Variants in RUNDC3B observed in about 807,000 individuals in gnomAD.
RUNDC3B encodes the protein RUN domain containing 3B.
Under a neutral mutation model 58.4 loss-of-function variants are expected in RUNDC3B, and 33 were observed. The ratio of observed to expected loss-of-function variants is 0.56; its 90% CI spans 0.43 to 0.75. The LOEUF is 0.75. RUNDC3B is among the 30% of genes least tolerant of loss of function. The pLI is 0.00. For missense variants in RUNDC3B, 501 were observed against 535.7 expected (o/e 0.94, Z 0.64); for synonymous variants, 193 against 195.2 (o/e 0.99, Z 0.10).
intron 10 of RUNDC3B, among the ~76,000 whole-genome samples, chr7:87,824,400 C>A (rs1006271342): frequency 2.0e-5 from 3 of 152,124 alleles, no homozygotes; most frequent in African/African-American, 4.8e-5. Context: ...GTGAGATGTG[C>A]CTTTCACCTT....
intron 10 of RUNDC3B, among the ~76,000 whole-genome samples, chr7:87,826,336 A>C (rs1837805830): frequency 6.6e-6 from 1 of 151,944 alleles, no homozygotes; most frequent in Admixed American, 6.6e-5. Context: ...GTCTGCTGCC[A>C]TGTGAGATGT....
At position 87,830,279 on chromosome 7, in the gene RUNDC3B, AC is replaced by A. The variant is rs1838061624; in HGVS notation, c.*250del. The A allele has an allele frequency of 3.8e-6, 1 of 264,024 alleles. No homozygotes were observed. The highest frequency in any genetic ancestry group is 6.7e-5 in the East Asian group (1 of 14,874). The allele number at this position is 264,024 out of a possible 1,614,324, so 16.4% of individuals were successfully genotyped here. On this transcript the variant is annotated 3_prime_UTR_variant, in exon 11 of 11. Coordinates refer to ENST00000394654, the MANE Select transcript of RUNDC3B (RefSeq NM_001134405.2). ...TGGAATAGGCTTTAAAAAAAAAAAA[AC>A]TTTCAAAGATCCGCCAAATCATTCA...
At chr7:87,667,416 T>C (rs1825370748) in intron 2 of RUNDC3B, among the ~76,000 whole-genome samples, 1 of 151,946 alleles carries the variant, frequency 6.6e-6, no homozygotes, top group African/African-American at 2.4e-5. Flanking sequence ...TTTCTAGATA[T>C]AGAATCATGT....
chr7:87,751,725 T>A (rs199776503), intron 6 of RUNDC3B, among the ~76,000 whole-genome samples: 7,345 of 152,202 alleles, frequency 0.048, 260 homozygotes, highest in East Asian at 0.091. Context: ...GTACATTGAT[T>A]TTGTATCCTG....
At chr7:87,786,868 T>C (rs935618555) in intron 8 of RUNDC3B, among the ~76,000 whole-genome samples, 2 of 152,158 alleles carry the variant, frequency 1.3e-5, no homozygotes, top group African/African-American at 4.8e-5. Flanking sequence ...ATTGATCCTC[T>C]TGATTTTTGC....
rs562385117 is a variant in RUNDC3B, at chr7:87,787,283, C to T, written c.956+9328C>T. Among the ~76,000 whole-genome samples, 8 of 152,164 alleles carry T rather than the reference C, an allele frequency of 5.3e-5. No homozygotes were observed. In the East Asian group the frequency reaches 1.3e-3, roughly 26 times the overall value. ...TTTAAAAAATCAACTGTCAAGAAGG[C>T]CTATAATCAAAGTTGGGCATTGAAA... On this transcript the variant is annotated intron_variant, in intron 8 of 10. Coordinates refer to ENST00000394654, the MANE Select transcript of RUNDC3B (RefSeq NM_001134405.2).
At chr7:87,763,246 C>T (rs529191134) in intron 6 of RUNDC3B, among the ~76,000 whole-genome samples, 23 of 151,558 alleles carry the variant, frequency 1.5e-4, no homozygotes, top group Non-Finnish European at 2.7e-4. Context: ...TTTGATGTCC[C>T]GAATTTTACA....
intron 3 of RUNDC3B, among the ~76,000 whole-genome samples, chr7:87,701,281 G>A (rs1045774417): frequency 1.3e-5 from 2 of 152,182 alleles, no homozygotes; most frequent in African/African-American, 4.8e-5. Flanking sequence ...GAAGAAAGAA[G>A]TGAGCCTATT....
intron 2 of RUNDC3B, among the ~76,000 whole-genome samples, chr7:87,695,115 A>C (rs879164701): frequency 3.9e-5 from 6 of 152,144 alleles, no homozygotes; most frequent in Admixed American, 1.3e-4. Flanking sequence ...TCTAATGTAG[A>C]TTCTGACTTC....
At chr7:87,702,451 T>C in intron 3 of RUNDC3B, among the ~76,000 whole-genome samples, 1 of 151,944 alleles carries the variant, frequency 6.6e-6, no homozygotes, top group Non-Finnish European at 1.5e-5. Flanking sequence ...GCAAATGTTT[T>C]AAATTTTTTG....
chr7:87,828,051 A>C (rs1837925685), intron 10 of RUNDC3B, among the ~76,000 whole-genome samples: 1 of 152,224 alleles, frequency 6.6e-6, no homozygotes, highest in African/African-American at 2.4e-5. Context: ...ATCACAGTGC[A>C]AAAGAACCCT....
intron 1 of RUNDC3B, chr7:87,629,188 G>T: frequency 2.6e-6 from 1 of 382,630 alleles, no homozygotes; most frequent in Non-Finnish European, 4.6e-6. Context: ...AGCTTGGGGC[G>T]GGGCTGGAGG....
At position 87,680,759 on chromosome 7, in the gene RUNDC3B, C is replaced by G. The variant is rs776003781; in HGVS notation, c.239-19662C>G. 7.3e-5 allele frequency among the ~76,000 whole-genome samples: 11 copies of G among 149,722 alleles called. 2 individuals carry two copies. Among genetic ancestry groups the G allele is most frequent in the African/African-American group, 1.5e-4 (6 of 40,140 alleles). On this transcript the variant is annotated intron_variant, in intron 2 of 10. Transcript: ENST00000394654. Reference sequence around the variant, plus strand: ...GCAGTGAGCCAAGATCGCGCCATTGCACTCCAGCTTGGGCAAGGAGTGAAA... The same window carrying G: ...GCAGTGAGCCAAGATCGCGCCATTGGACTCCAGCTTGGGCAAGGAGTGAAA...
chr7:87,794,628 A>AC (rs1563214429), intron 8 of RUNDC3B, among the ~76,000 whole-genome samples: 2 of 150,814 alleles, frequency 1.3e-5, no homozygotes, highest in Non-Finnish European at 2.9e-5. Context: ...ATAGAAACAA[A>AC]AAAAAAAAAA....
rs1832465439 is a variant in RUNDC3B, at chr7:87,743,489, A to T, written c.629+1910A>T. Among the ~76,000 whole-genome samples the T allele has an allele frequency of 2.0e-5, 3 of 151,632 alleles. No individual in the cohort carries two copies. The South Asian group carries it at 6.3e-4, about 32-fold the overall frequency. ...CCACACCAACATCTACTGTTTTTTG[A>T]TTTTTTTTATTATGGCCATTCTTGC... On this transcript the variant is annotated intron_variant, in intron 6 of 10. Coordinates refer to ENST00000394654, the MANE Select transcript of RUNDC3B (RefSeq NM_001134405.2).
intron 4 of RUNDC3B, among the ~76,000 whole-genome samples, chr7:87,731,002 A>G (rs1262954338): frequency 2.0e-5 from 3 of 152,126 alleles, no homozygotes; most frequent in Non-Finnish European, 4.4e-5. Context: ...GAGCCACAGT[A>G]TTTTTGTGCA....
chr7:87,658,564 A>T lies in RUNDC3B; in HGVS notation c.238+7627A>T, dbSNP rs28746492. ...GCAAACCACAAATAGGAAAAATTCA[A>T]ATAAATTCATGCCAAAGGCACGATA... On this transcript the variant is annotated intron_variant, in intron 2 of 10. Transcript: ENST00000394654. Among the ~76,000 whole-genome samples the T allele has an allele frequency of 3.7e-4, 57 of 152,276 alleles. 1 individual carries two copies. The East Asian group carries it at 0.01, about 28-fold the overall frequency.
Position 87,666,569 on chromosome 7 carries a change from T to C in RUNDC3B, c.238+15632T>C, listed in dbSNP as rs548075580. ...TTTTCATGAAATCTCTGCCCATTCCTATGTCCAGGATGGTATTTCCTATGT... is the reference window on the plus strand; with the variant it reads ...TTTTCATGAAATCTCTGCCCATTCCCATGTCCAGGATGGTATTTCCTATGT... On this transcript the variant is annotated intron_variant, in intron 2 of 10. Coordinates refer to ENST00000394654, the MANE Select transcript of RUNDC3B (RefSeq NM_001134405.2). Among the ~76,000 whole-genome samples, 21 of 152,308 alleles carry C rather than the reference T, an allele frequency of 1.4e-4. No individual in the cohort carries two copies. The East Asian group carries it at 3.9e-3, about 28-fold the overall frequency.
intron 6 of RUNDC3B, among the ~76,000 whole-genome samples, chr7:87,764,344 A>C (rs1833860512): frequency 6.6e-6 from 1 of 151,916 alleles, no homozygotes; most frequent in Admixed American, 6.6e-5. Flanking sequence ...TAAAGTATCA[A>C]ATCAATAGCT....
Sources: gnomAD v4.1 joint callset for allele counts (sites outside exome capture counted in the v4.1 genomes callset) on GRCh38, gnomAD v4.1.1 for gene constraint, MANE v1.5 for transcripts, NCBI Gene and HGNC (gene_info 2026-07-23, HGNC 2026-07-21) for gene names.